The following TPR variants were observed in gnomAD, a reference collection of about 807,000 sequenced individuals.
TPR encodes translocated promoter region, nuclear basket protein.
In TPR, 51 loss-of-function variants were observed where a neutral mutation model predicts 316.1. The observed-to-expected ratio is 0.16, with a 90% CI of 0.13 to 0.20. The LOEUF is 0.20. Among genes scored for constraint, TPR ranks in the 10% least tolerant of loss-of-function variants. The probability of loss-of-function intolerance (pLI) is 1.00; values close to 1 mark genes in which losing one functional copy is unlikely to be tolerated. For missense variants in TPR, 2,272 were observed against 2,754.8 expected (o/e 0.82, Z 3.92); for synonymous variants, 981 against 914.7 (o/e 1.07, Z -1.31).
At chr1:186,334,221 G>T in intron 36 of TPR, 104 bp downstream of exon 36, 2 of 1,173,634 alleles carry the variant, frequency 1.7e-6, no homozygotes, top group Non-Finnish European at 2.3e-6. Flanking sequence ...ACAATGACGT[G>T]ACTTCAGCTG....
In TPR at chr1:186,323,323, T is replaced by A. The variant is rs145481833; in HGVS notation, c.6297+363A>T. ...ACAACAGAAATTCCTTTATCTTTTA[T>A]AAATACGTGCACTGTAGAGAAAGAA... On this transcript the variant is annotated intron_variant, in intron 43 of 50. Coordinates refer to ENST00000367478, the MANE Select transcript of TPR (RefSeq NM_003292.3). 5.9e-3 allele frequency among the ~76,000 whole-genome samples: 901 copies of A among 152,326 alleles called. 12 individuals are homozygous for A. The highest frequency in any genetic ancestry group is 0.02 in the African/African-American group (845 of 41,570).
intron 45 of TPR, among the ~76,000 whole-genome samples, chr1:186,321,118 T>C (rs1657763890): frequency 6.6e-6 from 1 of 152,174 alleles, no homozygotes. Flanking sequence ...GTACTCAGAA[T>C]TCTGCATGTT....
intron 50 of TPR, 43 bp downstream of exon 50, chr1:186,314,586 A>G (rs1487854147): frequency 6.8e-7 from 1 of 1,472,762 alleles, no homozygotes; most frequent in Non-Finnish European, 9.3e-7. Flanking sequence ...ATTTATTACT[A>G]TTCCACATTC....
chr1:186,346,425 G>C, intron 22 of TPR, 138 bp from the exon 23 acceptor site: 1 of 880,674 alleles, frequency 1.1e-6, no homozygotes, highest in Admixed American at 3.4e-5. Context: ...TCCATCAAAG[G>C]TGATTAGAAG....
Position 186,344,570 on chromosome 1 carries a change from T to C in TPR, c.3222A>G (p.Ile1074Met). Residue 1074 changes from isoleucine (I) to methionine (M), a missense_variant, in exon 25 of 51, where the codon ATA becomes ATG. Ile to Met is a conservative substitution (Grantham distance 10, BLOSUM62 1). Coordinates refer to ENST00000367478, the MANE Select transcript of TPR (RefSeq NM_003292.3). ...CATACTTATTCTGAGCTTCCACAGCTATTTTAGCCTATAAGAAATTATTAC... is the reference window on the plus strand; with the variant it reads ...CATACTTATTCTGAGCTTCCACAGCCATTTTAGCCTATAAGAAATTATTAC... ...ARRDCQEQAK[I>M]AVEAQNKYER... 2 of 1,530,882 alleles carry C rather than the reference T, an allele frequency of 1.3e-6. No homozygotes were observed. Among genetic ancestry groups the C allele is most frequent in the Non-Finnish European group, 1.8e-6 (2 of 1,142,012 alleles). 94.8% of individuals were successfully genotyped at this position (1,530,882 alleles called of 1,614,324 possible).
chr1:186,318,558 G>C lies in TPR; in HGVS notation c.6710C>G (p.Ala2237Gly), dbSNP rs370129195. The C allele has an allele frequency of 3.3e-5, 53 of 1,613,938 alleles. No homozygotes were observed. The African/African-American group carries it at 6.7e-4, about 20-fold the overall frequency. Residue 2237 changes from alanine to glycine, a missense_variant, in exon 48 of 51, where the codon GCC becomes GGC. Physicochemically the swap from Ala to Gly is moderately conservative, Grantham distance 60. This residue lies in a region of TPR where 88 missense variants were observed against 176.2 expected (regional missense o/e 0.50). Transcript: ENST00000367478. ...AGTCACCATTGGAACAGATTGAGAG[G>C]CATGTTCCGAAGCATCAGAGGTGGT... Reference protein sequence around the residue: ...ESTTSDASEHASQSVPMVTTS... With the variant: ...ESTTSDASEHGSQSVPMVTTS...
chr1:186,335,020 C>T (rs1318772958), intron 35 of TPR, 48 bp downstream of exon 35: 2 of 1,569,834 alleles, frequency 1.3e-6, no homozygotes, highest in Non-Finnish European at 1.7e-6. Context: ...TAGATATTCC[C>T]TGAGCTTTAA....
rs1659401249 is a variant in TPR at position 186,368,106 on chromosome 1, C to A, written c.331-124G>T. 5.2e-6 allele frequency: 3 copies of A among 577,544 alleles called. No homozygotes were observed. In the East Asian group the frequency reaches 8.7e-5, roughly 17 times the overall value. 35.8% of individuals were successfully genotyped at this position (577,544 alleles called of 1,614,324 possible). A position where few individuals can be genotyped will look rare whatever the true frequency, so the allele number is the denominator to read the frequency against. On this transcript the variant is annotated intron_variant, in intron 3 of 50. Transcript: ENST00000367478. ...ATGACTGGCTTTCTCTTATAACTTA[C>A]ACATCAAAGTTAAAAAATACCCGTA...
chr1:186,337,895 C>T, intron 31 of TPR, 138 bp downstream of exon 31: 4 of 736,624 alleles, frequency 5.4e-6, no homozygotes, highest in East Asian at 3.0e-5. Context: ...TATTAAAGAA[C>T]TAATCTTAAA....
intron 22 of TPR, 112 bp from the exon 23 acceptor site, chr1:186,346,399 T>A: frequency 9.0e-7 from 1 of 1,114,010 alleles, no homozygotes; most frequent in Non-Finnish European, 1.2e-6. Flanking sequence ...ATGTTTGTTG[T>A]ATATTAAAAA....
Position 186,361,726 on chromosome 1 carries a change from A to T in TPR, c.871-17T>A, listed in dbSNP as rs550159983. 3.7e-6 allele frequency: 6 copies of T among 1,613,372 alleles called. No individual in the cohort carries two copies. In the South Asian group the frequency reaches 6.6e-5, roughly 18 times the overall value. ...AGCGGCACTCTAAAAGTTAATCTTA[A>T]AAAGTTACCTAACAGTCAACAATGC... is the stretch of plus-strand genomic sequence containing the variant. On this transcript the variant is annotated splice_polypyrimidine_tract_variant and intron_variant, in intron 8 of 50. Transcript: ENST00000367478.
chr1:186,344,665 T>C, intron 24 of TPR, 87 bp from the exon 25 acceptor site: 1 of 999,556 alleles, frequency 1.0e-6, no homozygotes, highest in African/African-American at 1.7e-5. Context: ...CATTGGACTT[T>C]TTAAATAATA....
intron 19 of TPR, 147 bp downstream of exon 19, chr1:186,351,829 A>T: frequency 1.2e-6 from 1 of 853,722 alleles, no homozygotes; most frequent in Non-Finnish European, 1.7e-6. Flanking sequence ...AAAATATTTA[A>T]ATGTCTTAAT....
chr1:186,318,531 G>A lies in TPR; in HGVS notation c.6737C>T (p.Thr2246Ile), dbSNP rs367856801. Residue 2246 changes from threonine to isoleucine, a missense_variant, in exon 48 of 51, where the codon ACA becomes ATA. Around this residue, in one of 10 missense-constraint regions of TPR, gnomAD observed 123 missense variants for 142.3 expected, o/e 0.86. Coordinates refer to ENST00000367478, the MANE Select transcript of TPR (RefSeq NM_003292.3). ...TGTTGTAGATAAAGTGCCAGTGGAT[G>A]TAGTCACCATTGGAACAGATTGAGA... ...HASQSVPMVT[T>I]STGTLSTTNE... is the part of the protein sequence containing the mutation. 2.2e-5 allele frequency: 36 copies of A among 1,614,144 alleles called. No individual in the cohort carries two copies. In the African/African-American group the frequency reaches 4.7e-4, roughly 21 times the overall value.
chr1:186,317,898 A>G (rs1657657430), intron 48 of TPR, among the ~76,000 whole-genome samples: 1 of 152,210 alleles, frequency 6.6e-6, no homozygotes, highest in Admixed American at 6.5e-5. Context: ...CATAAGAAAT[A>G]TATGGTCCAG....
rs1657406377 is a variant in TPR at position 186,313,102 on chromosome 1, G to A, written c.*869C>T. On this transcript the variant is annotated 3_prime_UTR_variant, in exon 51 of 51. Transcript: ENST00000367478. Reference sequence around the variant, plus strand: ...AATTCAATTCTGCTCTAACCTTCATGAGATTACGATAAAACATCCAGTTAC... The same window carrying A: ...AATTCAATTCTGCTCTAACCTTCATAAGATTACGATAAAACATCCAGTTAC... The A allele has an allele frequency of 3.5e-6, 2 of 568,682 alleles. No individual in the cohort carries two copies. The highest frequency in any genetic ancestry group is 3.0e-5 in the Admixed American group (1 of 33,590). 35.2% of individuals were successfully genotyped at this position (568,682 alleles called of 1,614,324 possible). A position where few individuals can be genotyped will look rare whatever the true frequency, so the allele number is the denominator to read the frequency against.
intron 43 of TPR, 123 bp from the exon 44 acceptor site, chr1:186,322,709 G>C: frequency 1.1e-6 from 1 of 949,364 alleles, no homozygotes. Context: ...AGGTAATTAG[G>C]ACATTTTCCC....
intron 39 of TPR, 146 bp downstream of exon 39, chr1:186,331,350 ACT>A (rs773501101): frequency 1.1e-5 from 6 of 540,050 alleles, no homozygotes; most frequent in African/African-American, 1.9e-5. Context: ...AAGAAAGCAG[ACT>A]CTGCAATGAT....
chr1:186,353,623 G>T, intron 18 of TPR, 65 bp downstream of exon 18: 2 of 1,551,722 alleles, frequency 1.3e-6, no homozygotes, highest in Non-Finnish European at 1.7e-6. Context: ...AAAATTCAAA[G>T]TAAAAACTAA....
Sources: allele counts gnomAD v4.1 joint callset (sites outside exome capture counted in the v4.1 genomes callset), GRCh38; gene constraint gnomAD v4.1.1; regional missense constraint gnomAD v4.1.1; transcripts MANE v1.5; gene names NCBI Gene and HGNC (gene_info 2026-07-23, HGNC 2026-07-21).